KCNQ1: variants seen among roughly 807,000 people sequenced by gnomAD.
KCNQ1 encodes the protein potassium voltage-gated channel subfamily KQT member 1.
A neutral mutation model predicts 72.4 loss-of-function variants in KCNQ1; 49 were observed. That is an observed-to-expected ratio of 0.68 (90% CI 0.54 to 0.86). The LOEUF is 0.86. Among genes scored for constraint, KCNQ1 ranks in the 40% least tolerant of loss-of-function variants. KCNQ1 has a pLI of 0.00. For synonymous variants in KCNQ1, 450 were observed against 412.6 expected (o/e 1.09, Z -1.10); for missense variants, 790 against 945.1 (o/e 0.84, Z 2.15).
intron 11 of KCNQ1, chr11:2,675,045 G>T (rs985908630): frequency 1.0e-5 from 4 of 398,516 alleles, no homozygotes; most frequent in Non-Finnish European, 1.3e-5. Flanking sequence ...GTGGGGGACG[G>T]GGATGCCAAG....
At position 2,626,470 on chromosome 11, in the gene KCNQ1, GTC is replaced by G; in HGVS notation, c.1394-35487_1394-35486del. 1 of 398,526 alleles carries G rather than the reference GTC, an allele frequency of 2.5e-6. No homozygotes were observed. The highest frequency in any genetic ancestry group is 3.6e-5 in the East Asian group (1 of 28,066). The allele number at this position is 398,526 out of a possible 1,614,324, so 24.7% of individuals were successfully genotyped here. A position where few individuals can be genotyped will look rare whatever the true frequency, so the allele number is the denominator to read the frequency against. The stretch of plus-strand genomic sequence containing the variant: ...TTGGGCTCTCTATTCAATTCCATTG[GTC>G]TCTACATCTTTATGTCAATACCACA... On this transcript the variant is annotated intron_variant, in intron 10 of 15. Transcript: ENST00000155840. The surrounding 1 kb of genome is among the most constrained non-coding windows in gnomAD (Gnocchi z 4.0).
At chr11:2,831,169 A>T (rs560502569) in intron 15 of KCNQ1, among the ~76,000 whole-genome samples, 1 of 152,294 alleles carries the variant, frequency 6.6e-6, no homozygotes, top group South Asian at 2.1e-4. Flanking sequence ...TCTCAGAATG[A>T]CAGGTGCTCT....
At chr11:2,660,626 A>G (rs1849935141) in intron 10 of KCNQ1, 1 of 398,532 alleles carries the variant, frequency 2.5e-6, no homozygotes, top group South Asian at 1.3e-4. Context: ...CATAAAAGGT[A>G]TTCAACACAG....
In KCNQ1 at chr11:2,535,514, G is replaced by A. The variant is rs114851466; in HGVS notation, c.477+7496G>A. On this transcript the variant is annotated intron_variant, in intron 2 of 15. Coordinates refer to ENST00000155840, the MANE Select transcript of KCNQ1 (RefSeq NM_000218.3). ...CCAGTGTTGATCACTGAGGACCACC[G>A]GATACAAGTCCCTCCTGCCTTCCCC... is the stretch of plus-strand genomic sequence containing the variant. 3.3e-3 allele frequency among the ~76,000 whole-genome samples: 508 copies of A among 152,222 alleles called. 3 individuals are homozygous for A. Among genetic ancestry groups the A allele is most frequent in the African/African-American group, 0.012 (483 of 41,544 alleles).
chr11:2,469,913 G>A (rs1446613598), intron 1 of KCNQ1, among the ~76,000 whole-genome samples: 1 of 152,124 alleles, frequency 6.6e-6, no homozygotes, highest in Non-Finnish European at 1.5e-5. Flanking sequence ...GCCCGCCTCA[G>A]CCTCCCAAAG....
chr11:2,567,630 T>G lies in KCNQ1; in HGVS notation c.478-2998T>G, dbSNP rs752042548. On this transcript the variant is annotated intron_variant, in intron 2 of 15. Coordinates refer to ENST00000155840, the MANE Select transcript of KCNQ1 (RefSeq NM_000218.3). The surrounding 1 kb of genome is among the most constrained non-coding windows in gnomAD (Gnocchi z 6.6). ...GTGAGGGGACTTTTCCTTGGCTCTT[T>G]CCTGGCCTGCTAGCAGCACCAGCCT... is the stretch of plus-strand genomic sequence containing the variant. Among the ~76,000 whole-genome samples, 12 of 152,234 alleles carry G rather than the reference T, an allele frequency of 7.9e-5. No individual in the cohort carries two copies. Among genetic ancestry groups the G allele is most frequent in the Non-Finnish European group, 1.2e-4 (8 of 68,040 alleles).
rs1723973079 is a variant in KCNQ1, at chr11:2,653,293, C to T, written c.1394-8668C>T. Reference sequence around the variant, plus strand: ...TGAAAACTAGTGGGGGCAGTGCAGACCAGTTTAGCTATTTTGTAACCTTGA... The same window carrying T: ...TGAAAACTAGTGGGGGCAGTGCAGATCAGTTTAGCTATTTTGTAACCTTGA... On this transcript the variant is annotated intron_variant, in intron 10 of 15. Transcript: ENST00000155840. The surrounding 1 kb of genome is among the most constrained non-coding windows in gnomAD (Gnocchi z 5.3). 2.5e-6 allele frequency: 1 copy of T among 398,746 alleles called. No individual in the cohort carries two copies. Among genetic ancestry groups the T allele is most frequent in the East Asian group, 3.6e-5 (1 of 28,082 alleles). The allele number at this position is 398,746 out of a possible 1,614,324, so 24.7% of individuals were successfully genotyped here. A position where few individuals can be genotyped will look rare whatever the true frequency, so the allele number is the denominator to read the frequency against.
chr11:2,572,943 G>A lies in KCNQ1; in HGVS notation c.878G>A (p.Arg293His), dbSNP rs199473465. ...AEKDAVNESG[R>H]VEFGSYADAL... ...AAGGACGCGGTGAACGAGTCAGGCC[G>A]CGTGGAGTTCGGCAGCTACGCAGAT... The change falls in exon 6 of 16, where the codon CGC (arginine) becomes CAC (histidine). Residue 293 changes from arginine (R) to histidine (H), a missense_variant. Physicochemically the swap from Arg to His is conservative, Grantham distance 29 (BLOSUM62 0). This residue lies in a region of KCNQ1 where 133 missense variants were observed against 219.5 expected (regional missense o/e 0.61). Transcript: ENST00000155840. 18 of 1,613,806 alleles carry A rather than the reference G, an allele frequency of 1.1e-5. No homozygotes were observed. Among genetic ancestry groups the A allele is most frequent in the South Asian group, 7.7e-5 (7 of 91,086 alleles).
intron 2 of KCNQ1, among the ~76,000 whole-genome samples, chr11:2,531,220 CCT>C (rs1847622750): frequency 1.4e-5 from 2 of 137,964 alleles, no homozygotes; most frequent in Admixed American, 7.2e-5. Flanking sequence ...TTAGACGTGC[CCT>C]GGGCTCCACA....
intron 11 of KCNQ1, chr11:2,680,614 CTG>C: frequency 2.5e-6 from 1 of 398,508 alleles, no homozygotes; most frequent in Non-Finnish European, 4.4e-6. Context: ...TCTTGCAAAA[CTG>C]TAGTACAATA....
intron 1 of KCNQ1, among the ~76,000 whole-genome samples, chr11:2,505,436 A>G (rs1847087343): frequency 6.6e-6 from 1 of 152,142 alleles, no homozygotes; most frequent in African/African-American, 2.4e-5. Flanking sequence ...TGGGATGCAC[A>G]TGCATGCTGT....
chr11:2,758,771 G>A (rs1846342221), intron 11 of KCNQ1, among the ~76,000 whole-genome samples: 1 of 152,188 alleles, frequency 6.6e-6, no homozygotes, highest in African/African-American at 2.4e-5. Flanking sequence ...TACGGGAATT[G>A]TGCTGAGGAG....
In KCNQ1 at chr11:2,661,345, G is replaced by A. The variant is rs1055608322; in HGVS notation, c.1394-616G>A. 3 of 405,242 alleles carry A rather than the reference G, an allele frequency of 7.4e-6. No individual in the cohort carries two copies. The Admixed American group carries it at 1.2e-4, about 17-fold the overall frequency. 25.1% of individuals were successfully genotyped at this position (405,242 alleles called of 1,614,324 possible). Reference sequence around the variant, plus strand: ...AAGGATCAGTATCCTGAGCTCCTGTGTCAAAGTTGCAGAGGTGGGCCCAGG... The same window carrying A: ...AAGGATCAGTATCCTGAGCTCCTGTATCAAAGTTGCAGAGGTGGGCCCAGG... On this transcript the variant is annotated intron_variant, in intron 10 of 15. Coordinates refer to ENST00000155840, the MANE Select transcript of KCNQ1 (RefSeq NM_000218.3). The surrounding 1 kb of genome is among the most constrained non-coding windows in gnomAD (Gnocchi z 5.9).
rs1008442997 is a variant in KCNQ1 at position 2,515,650 on chromosome 11, A to T, written c.387-12278A>T. Reference sequence around the variant, plus strand: ...CACCCTAGGCAGGCCTCTCACAGAGACAAGACGAGTGTCCTAGGGCAGATA... The same window carrying T: ...CACCCTAGGCAGGCCTCTCACAGAGTCAAGACGAGTGTCCTAGGGCAGATA... On this transcript the variant is annotated intron_variant, in intron 1 of 15. Transcript: ENST00000155840. The surrounding 1 kb of genome is among the most constrained non-coding windows in gnomAD (Gnocchi z 4.7). 6.6e-6 allele frequency among the ~76,000 whole-genome samples: 1 copy of T among 152,096 alleles called. No individual in the cohort carries two copies. The highest frequency in any genetic ancestry group is 2.4e-5 in the African/African-American group (1 of 41,410).
At chr11:2,514,541 C>A (rs1016611914) in intron 1 of KCNQ1, among the ~76,000 whole-genome samples, 2 of 152,166 alleles carry the variant, frequency 1.3e-5, no homozygotes, top group Admixed American at 6.5e-5. Context: ...CTTGGCCGGG[C>A]GAGGTGGCTC....
In KCNQ1 at chr11:2,674,883, A is replaced by G; in HGVS notation, c.1514+12802A>G. 2.8e-6 allele frequency: 1 copy of G among 363,264 alleles called. No individual in the cohort carries two copies. Among genetic ancestry groups the G allele is most frequent in the Non-Finnish European group, 4.8e-6 (1 of 206,536 alleles). 22.5% of individuals were successfully genotyped at this position (363,264 alleles called of 1,614,324 possible). A position where few individuals can be genotyped will look rare whatever the true frequency, so the allele number is the denominator to read the frequency against. On this transcript the variant is annotated intron_variant, in intron 11 of 15. Coordinates refer to ENST00000155840, the MANE Select transcript of KCNQ1 (RefSeq NM_000218.3). The surrounding 1 kb of genome is among the most constrained non-coding windows in gnomAD (Gnocchi z 5.9). The stretch of plus-strand genomic sequence containing the variant: ...AAAGCTCACTGGGCACCTTGGCTGC[A>G]GGGTCTGAAAAGTCCTTTGTGTTAG...
chr11:2,632,253 GAATT>G (rs969929761), intron 10 of KCNQ1: 29 of 395,148 alleles, frequency 7.3e-5, no homozygotes, highest in Middle Eastern at 6.3e-4. Context: ...CTACTTTGCT[GAATT>G]AATTTATTCA....
At position 2,538,930 on chromosome 11, in the gene KCNQ1, T is replaced by C. The variant is rs1288075644; in HGVS notation, c.477+10912T>C. Among the ~76,000 whole-genome samples, 1 of 151,196 alleles carries C rather than the reference T, an allele frequency of 6.6e-6. No individual in the cohort carries two copies. The highest frequency in any genetic ancestry group is 2.4e-5 in the African/African-American group (1 of 41,032). On this transcript the variant is annotated intron_variant, in intron 2 of 15. Transcript: ENST00000155840. This position sits in a 1 kb window ranked among gnomAD's most constrained non-coding sequence, Gnocchi z 6.7. Reference sequence around the variant, plus strand: ...GTCCAAGCGATTTGTGAGAATGGGGTTGACACCCCTGGGCTGGAACCTGGG... The same window carrying C: ...GTCCAAGCGATTTGTGAGAATGGGGCTGACACCCCTGGGCTGGAACCTGGG...
chr11:2,565,172 A>G lies in KCNQ1; in HGVS notation c.478-5456A>G, dbSNP rs553066223. On this transcript the variant is annotated intron_variant, in intron 2 of 15. Coordinates refer to ENST00000155840, the MANE Select transcript of KCNQ1 (RefSeq NM_000218.3). This position sits in a 1 kb window ranked among gnomAD's most constrained non-coding sequence, Gnocchi z 5.6. Reference sequence around the variant, plus strand: ...ACAGACTATTTGTTAGAGCAGTTTTAGGTTCACAGCAAAATCGAGCGGCTG... The same window carrying G: ...ACAGACTATTTGTTAGAGCAGTTTTGGGTTCACAGCAAAATCGAGCGGCTG... Among the ~76,000 whole-genome samples, 12 of 152,184 alleles carry G rather than the reference A, an allele frequency of 7.9e-5. No individual in the cohort carries two copies. Among genetic ancestry groups the G allele is most frequent in the Non-Finnish European group, 1.5e-4 (10 of 68,032 alleles).
Sources: allele counts gnomAD v4.1 joint callset (sites outside exome capture counted in the v4.1 genomes callset), GRCh38; gene constraint gnomAD v4.1.1; regional missense constraint gnomAD v4.1.1; non-coding constraint Gnocchi (gnomAD v3.1); transcripts MANE v1.5; gene names NCBI Gene and HGNC (gene_info 2026-07-23, HGNC 2026-07-21).